The following LRRC37A2 variants were observed in gnomAD, a reference collection of about 807,000 sequenced individuals.
LRRC37A2 encodes the protein leucine rich repeat containing 37 member A2.
In LRRC37A2, 9 loss-of-function variants were observed where a neutral mutation model predicts 68.8. The ratio of observed to expected loss-of-function variants is 0.13; its 90% CI spans 0.08 to 0.23. LRRC37A2 has a LOEUF of 0.23. LRRC37A2 is among the 10% of genes least tolerant of loss of function. The probability of loss-of-function intolerance (pLI) is 1.00; values close to 1 mark genes in which losing one functional copy is unlikely to be tolerated. For synonymous variants in LRRC37A2, 63 were observed against 367.6 expected, an observed-to-expected ratio of 0.17 and a Z score of 9.48; for missense variants, 168 against 950.4, an observed-to-expected ratio of 0.18 and a Z score of 10.82.
At chr17:46,622,348 C>T in the LRRC37A2 span, among the ~76,000 whole-genome samples, 1 of 149,880 alleles carries the variant, frequency 6.7e-6, no homozygotes. Flanking sequence ...GTCCCAGCTA[C>T]TTGGGAGGCT....
chr17:46,492,174 A>G, the LRRC37A2 span, among the ~76,000 whole-genome samples: 1 of 151,488 alleles, frequency 6.6e-6, no homozygotes, highest in Non-Finnish European at 1.5e-5. Flanking sequence ...CATGTTGGCC[A>G]GGCTGGTCTT....
the LRRC37A2 span, among the ~76,000 whole-genome samples, chr17:47,033,660 T>G: frequency 6.6e-6 from 1 of 152,132 alleles, no homozygotes; most frequent in African/African-American, 2.4e-5. Flanking sequence ...CATCTCTCTC[T>G]CCTCAGTTAA....
the LRRC37A2 span, among the ~76,000 whole-genome samples, chr17:46,889,772 C>T: frequency 2.6e-5 from 4 of 152,100 alleles, no homozygotes; most frequent in African/African-American, 9.7e-5. Context: ...ACTTCTGACT[C>T]CTAGAAAACA....
the LRRC37A2 span, among the ~76,000 whole-genome samples, chr17:46,934,045 C>T: frequency 2.0e-5 from 3 of 152,150 alleles, no homozygotes; most frequent in African/African-American, 7.2e-5. Flanking sequence ...GAGGACTTGG[C>T]TCCTGCCTAT....
chr17:46,598,981 A>G, the LRRC37A2 span, among the ~76,000 whole-genome samples: 1 of 123,034 alleles, frequency 8.1e-6, no homozygotes, highest in African/African-American at 3.3e-5. Flanking sequence ...TTCAAATGCA[A>G]TGAATTTTAG....
chr17:46,494,376 A>G, the LRRC37A2 span, among the ~76,000 whole-genome samples: 1 of 148,352 alleles, frequency 6.7e-6, no homozygotes, highest in Admixed American at 6.7e-5. Flanking sequence ...AGACCTTGCC[A>G]GACTTTTTCT....
At chr17:46,979,399 AG>A in the LRRC37A2 span, among the ~76,000 whole-genome samples, 1 of 152,020 alleles carries the variant, frequency 6.6e-6, no homozygotes, top group Non-Finnish European at 1.5e-5. Flanking sequence ...CCGGTGCTGG[AG>A]GGGGTCGGGA....
the LRRC37A2 span, among the ~76,000 whole-genome samples, chr17:46,793,190 C>T: frequency 1.4e-5 from 2 of 139,878 alleles, no homozygotes; most frequent in Admixed American, 7.8e-5. Flanking sequence ...GGGAGGATTG[C>T]TTGAGCCCAG....
chr17:46,691,570 G>A, the LRRC37A2 span, among the ~76,000 whole-genome samples: 1 of 150,728 alleles, frequency 6.6e-6, no homozygotes, highest in Non-Finnish European at 1.5e-5. Context: ...ACTCCAGCCT[G>A]GGCAGCAGAG....
chr17:47,024,590 C>G, the LRRC37A2 span: 1 of 873,122 alleles, frequency 1.1e-6, no homozygotes, highest in Admixed American at 1.7e-5. Context: ...TGACCATGAC[C>G]CAGCTTTCCT....
chr17:46,761,829 G>T, the LRRC37A2 span, among the ~76,000 whole-genome samples: 1 of 152,240 alleles, frequency 6.6e-6, no homozygotes, highest in South Asian at 2.1e-4. Context: ...GCATCTCATT[G>T]TTGAGAAGGC....
At chr17:46,748,900 G>A in the LRRC37A2 span, among the ~76,000 whole-genome samples, 2 of 152,258 alleles carry the variant, frequency 1.3e-5, no homozygotes, top group Admixed American at 6.5e-5. Context: ...TGGCCTAGCT[G>A]TAAACCACAT....
chr17:46,785,104 T>C, the LRRC37A2 span, among the ~76,000 whole-genome samples: 1 of 152,134 alleles, frequency 6.6e-6, no homozygotes, highest in Non-Finnish European at 1.5e-5. Flanking sequence ...TTATGATGCA[T>C]CCTAAGCCTT....
the LRRC37A2 span, chr17:46,935,767 T>C: frequency 5.4e-5 from 53 of 987,090 alleles, no homozygotes; most frequent in Non-Finnish European, 6.4e-5. Context: ...TTGGCACTGC[T>C]GAGACTCCAG....
At position 46,529,020 on chromosome 17, in the gene LRRC37A2, T is replaced by G. The variant is rs1425840734; in HGVS notation, c.2906+5136T>G. On this transcript the variant is annotated intron_variant, in intron 6 of 14. Coordinates refer to ENST00000576629, the Ensembl canonical transcript of LRRC37A2. ...TTCTAGCATAGATCATTTTGGAGTT[T>G]GTCATTTAAATTTATTTTCACAGCC... Among the ~76,000 whole-genome samples, 2 of 95,002 alleles carry G rather than the reference T, an allele frequency of 2.1e-5. 1 individual carries two copies. The highest frequency in any genetic ancestry group is 7.3e-5 in the African/African-American group (2 of 27,374). 62.3% of individuals were successfully genotyped at this position (95,002 alleles called of 152,430 possible).
At chr17:46,849,849 C>T in the LRRC37A2 span, among the ~76,000 whole-genome samples, 4 of 145,798 alleles carry the variant, frequency 2.7e-5, no homozygotes, top group South Asian at 4.3e-4. Flanking sequence ...CATTTAATAT[C>T]TTTTTTTTTT....
chr17:46,605,924 C>T, the LRRC37A2 span, among the ~76,000 whole-genome samples: 1 of 38,670 alleles, frequency 2.6e-5, no homozygotes, highest in Admixed American at 6.1e-4. Context: ...CTGAGGTGGG[C>T]GGATCACCTG....
the LRRC37A2 span, among the ~76,000 whole-genome samples, chr17:46,850,349 G>T: frequency 6.6e-6 from 1 of 152,124 alleles, no homozygotes; most frequent in African/African-American, 2.4e-5. Context: ...TAATCACTGC[G>T]CTCATTTGAC....
chr17:46,812,980 G>A, the LRRC37A2 span, among the ~76,000 whole-genome samples: 1 of 152,134 alleles, frequency 6.6e-6, no homozygotes, highest in African/African-American at 2.4e-5. Context: ...ACTTGCCCTA[G>A]TTACCCAGGT....
Sources: allele counts gnomAD v4.1 joint callset (sites outside exome capture counted in the v4.1 genomes callset), GRCh38; gene constraint gnomAD v4.1.1; transcripts MANE v1.5; gene names NCBI Gene and HGNC (gene_info 2026-07-23, HGNC 2026-07-21).